The following PSMD1 variants were observed in gnomAD, a reference collection of about 807,000 sequenced individuals.
PSMD1 encodes the protein 26S proteasome non-ATPase regulatory subunit 1.
In PSMD1, 18 loss-of-function variants were observed where a neutral mutation model predicts 119.0. That is an observed-to-expected ratio of 0.15 (90% CI 0.10 to 0.22). PSMD1 has a LOEUF of 0.22. PSMD1 is among the 10% of genes least tolerant of loss of function. The probability of loss-of-function intolerance (pLI) is 1.00; values close to 1 mark genes in which losing one functional copy is unlikely to be tolerated. For synonymous variants in PSMD1, 374 were observed against 396.6 expected (o/e 0.94, Z 0.68); for missense variants, 702 against 1,158.5 (o/e 0.61, Z 5.72).
intron 16 of PSMD1, chr2:231,108,913 A>C (rs774540124): frequency 6.2e-7 from 1 of 1,614,044 alleles, no homozygotes. Context: ...TACAGGAATC[A>C]CATAAAACTA....
At chr2:231,112,790 G>A (rs1270329192) in intron 16 of PSMD1, among the ~76,000 whole-genome samples, 2 of 152,044 alleles carry the variant, frequency 1.3e-5, no homozygotes, top group African/African-American at 4.8e-5. Context: ...AGACGATTTA[G>A]AAGAAAAAGG....
intron 16 of PSMD1, among the ~76,000 whole-genome samples, chr2:231,095,481 G>A (rs543671046): frequency 6.6e-6 from 1 of 152,190 alleles, no homozygotes; most frequent in East Asian, 1.9e-4. Flanking sequence ...GCCTTTGTTG[G>A]GGCTGCTAGT....
intron 16 of PSMD1, among the ~76,000 whole-genome samples, chr2:231,126,881 C>T (rs1695734504): frequency 6.6e-6 from 1 of 151,764 alleles, no homozygotes; most frequent in African/African-American, 2.4e-5. Context: ...AAGAAAAAAG[C>T]AAAATAATAA....
At chr2:231,100,279 C>T (rs1694831762) in intron 16 of PSMD1, among the ~76,000 whole-genome samples, 1 of 152,176 alleles carries the variant, frequency 6.6e-6, no homozygotes, top group Non-Finnish European at 1.5e-5. Flanking sequence ...AAAGATGGTG[C>T]AATGGTGAAC....
At chr2:231,140,755 G>A (rs1047328739) in intron 17 of PSMD1, among the ~76,000 whole-genome samples, 1 of 151,750 alleles carries the variant, frequency 6.6e-6, no homozygotes, top group South Asian at 2.1e-4. Flanking sequence ...GCATGCACCT[G>A]TAATGCCAGC....
At chr2:231,115,095 T>A (rs1305695658) in intron 16 of PSMD1, among the ~76,000 whole-genome samples, 1 of 151,930 alleles carries the variant, frequency 6.6e-6, no homozygotes, top group Non-Finnish European at 1.5e-5. Context: ...ACCAGAATAA[T>A]CATCTCAGGA....
In PSMD1 at chr2:231,085,052, G is replaced by A; in HGVS notation, c.1756G>A (p.Val586Ile). The change falls in exon 15 of 25, where the codon GTA becomes ATA. Residue 586 changes from valine (V) to isoleucine (I), a missense_variant. Physicochemically the swap from Val to Ile is conservative, Grantham distance 29. Around this residue, in one of 9 missense-constraint regions of PSMD1, gnomAD observed 272 missense variants for 511.6 expected, o/e 0.53. Coordinates refer to ENST00000308696, the MANE Select transcript of PSMD1 (RefSeq NM_002807.4). ...PILRRSGMYT[V>I]AMAYCGSGNN... Reference sequence around the variant, plus strand: ...TCTTCGAAGGTCTGGAATGTATACTGTAGCCATGGCTTATTGTGGCTCTGG... The same window carrying A: ...TCTTCGAAGGTCTGGAATGTATACTATAGCCATGGCTTATTGTGGCTCTGG... 1 of 1,613,950 alleles carries A rather than the reference G, an allele frequency of 6.2e-7. No individual in the cohort carries two copies.
intron 17 of PSMD1, among the ~76,000 whole-genome samples, chr2:231,144,418 A>ATTTTTT (rs751682132): frequency 3.6e-4 from 27 of 75,190 alleles, no homozygotes; most frequent in African/African-American, 1.0e-3. Context: ...CGCCCAGCTA[A>ATTTTTT]TTTTTTTTTT....
chr2:231,080,113 A>C (rs1378682045), intron 11 of PSMD1, 28 bp from the exon 12 acceptor site: 2 of 1,559,758 alleles, frequency 1.3e-6, no homozygotes, highest in African/African-American at 2.8e-5. Flanking sequence ...TCTCTTTTTG[A>C]TGTCTTTGTT....
intron 6 of PSMD1, 90 bp downstream of exon 6, chr2:231,070,258 A>ATATTACTTTATATTACTT: frequency 9.3e-7 from 1 of 1,076,250 alleles, no homozygotes; most frequent in Non-Finnish European, 1.2e-6. Context: ...TTATATTACT[A>ATATTACTTTATATTACTT]TAATGGCTTT....
chr2:231,061,218 C>G (rs59674647), intron 1 of PSMD1, 49 bp from the exon 2 acceptor site: 1 of 1,471,174 alleles, frequency 6.8e-7, no homozygotes, highest in Non-Finnish European at 9.4e-7. Context: ...TTAATTTCCA[C>G]TTTAGTGAGA....
At chr2:231,141,272 C>T (rs1025113895) in intron 17 of PSMD1, among the ~76,000 whole-genome samples, 1 of 151,550 alleles carries the variant, frequency 6.6e-6, no homozygotes, top group South Asian at 2.1e-4. Flanking sequence ...TGCACTCCAG[C>T]CTGGGCGACA....
chr2:231,138,680 TCTTAA>T, intron 16 of PSMD1, 51 bp from the exon 17 acceptor site: 1 of 1,327,268 alleles, frequency 7.5e-7, no homozygotes, highest in Non-Finnish European at 1.1e-6. Flanking sequence ...AACTCTTCTG[TCTTAA>T]CTTAAAATAG....
intron 10 of PSMD1, 75 bp from the exon 11 acceptor site, chr2:231,079,461 T>A: frequency 9.8e-7 from 1 of 1,016,606 alleles, no homozygotes; most frequent in Non-Finnish European, 1.4e-6. Flanking sequence ...TTAATGCTTT[T>A]AACCTTAGAG....
chr2:231,162,288 T>C (rs1329678644), intron 20 of PSMD1, among the ~76,000 whole-genome samples: 1 of 152,270 alleles, frequency 6.6e-6, no homozygotes, highest in Non-Finnish European at 1.5e-5. Flanking sequence ...GTCATCACTG[T>C]TGAAATGTTC....
intron 23 of PSMD1, among the ~76,000 whole-genome samples, chr2:231,169,357 C>CT (rs1010102034): frequency 6.6e-6 from 1 of 152,074 alleles, no homozygotes; most frequent in Non-Finnish European, 1.5e-5. Context: ...TTCAAGTAAA[C>CT]TTTTAGGCTA....
rs555035077 is a variant in PSMD1 at position 231,109,736 on chromosome 2, A to T, written c.1883+22555A>T. On this transcript the variant is annotated intron_variant, in intron 16 of 24. Transcript: ENST00000308696. ...ATAATCTATTTTTGTTTTTTAAGCT[A>T]TCTCAGATTAAGGAAGAGAAATTCA... Among the ~76,000 whole-genome samples the T allele has an allele frequency of 2.0e-5, 3 of 152,310 alleles. No individual in the cohort carries two copies. In the South Asian group the frequency reaches 6.2e-4, roughly 32 times the overall value.
At chr2:231,129,779 G>A (rs1161305264) in intron 16 of PSMD1, among the ~76,000 whole-genome samples, 1 of 152,146 alleles carries the variant, frequency 6.6e-6, no homozygotes, top group Non-Finnish European at 1.5e-5. Flanking sequence ...CTTTTTCCCT[G>A]AAAATGTTTT....
At chr2:231,157,921 CAT>C (rs1559253301) in intron 19 of PSMD1, among the ~76,000 whole-genome samples, 1 of 152,034 alleles carries the variant, frequency 6.6e-6, no homozygotes, top group African/African-American at 2.4e-5. Context: ...GAATTAATCT[CAT>C]GTCCTTTTTC....
Sources: allele counts gnomAD v4.1 joint callset (sites outside exome capture counted in the v4.1 genomes callset), GRCh38; gene constraint gnomAD v4.1.1; regional missense constraint gnomAD v4.1.1; transcripts MANE v1.5; gene names NCBI Gene and HGNC (gene_info 2026-07-23, HGNC 2026-07-21).